Variants in CNTNAP2 observed in about 807,000 individuals in gnomAD.
CNTNAP2 encodes the protein contactin-associated protein-like 2.
A neutral mutation model predicts 155.2 loss-of-function variants in CNTNAP2; 98 were observed. The ratio of observed to expected loss-of-function variants is 0.63; its 90% CI spans 0.54 to 0.75. The LOEUF (loss-of-function observed/expected upper bound fraction) is 0.75. CNTNAP2 is among the 30% of genes least tolerant of loss of function. CNTNAP2 has a pLI of 0.00. For synonymous variants in CNTNAP2, 651 were observed against 631.2 expected (o/e 1.03, Z -0.47); for missense variants, 1,727 against 1,688.1 (o/e 1.02, Z -0.40).
chr7:146,491,306 T>G (rs1017793438), intron 1 of CNTNAP2, among the ~76,000 whole-genome samples: 6 of 152,088 alleles, frequency 3.9e-5, no homozygotes, highest in African/African-American at 7.2e-5. Context: ...TGGGTTCTGC[T>G]CACTTCTCTG....
At position 146,422,356 on chromosome 7, in the gene CNTNAP2, T is replaced by C. The variant is rs150689792; in HGVS notation, c.97+305383T>C. 7.4e-4 allele frequency among the ~76,000 whole-genome samples: 111 copies of C among 149,568 alleles called. No individual in the cohort carries two copies. The East Asian group carries it at 0.02, about 27-fold the overall frequency. ...ATATACATATATGTATGTGTATATATATGTATATATATATATGTTAGCCAT... is the reference window on the plus strand; with the variant it reads ...ATATACATATATGTATGTGTATATACATGTATATATATATATGTTAGCCAT... On this transcript the variant is annotated intron_variant, in intron 1 of 23. Coordinates refer to ENST00000361727, the MANE Select transcript of CNTNAP2 (RefSeq NM_014141.6).
chr7:146,135,427 A>G (rs1563135659), intron 1 of CNTNAP2, among the ~76,000 whole-genome samples: 1 of 152,100 alleles, frequency 6.6e-6, no homozygotes. Flanking sequence ...GATTATCTCT[A>G]AAATCCATTC....
At chr7:147,196,691 T>A (rs1389106770) in intron 8 of CNTNAP2, among the ~76,000 whole-genome samples, 2 of 152,168 alleles carry the variant, frequency 1.3e-5, no homozygotes, top group African/African-American at 4.8e-5. Flanking sequence ...GAACCAGCCA[T>A]CCCTACAGCT....
intron 1 of CNTNAP2, among the ~76,000 whole-genome samples, chr7:146,223,444 T>A (rs749843034): frequency 6.6e-6 from 1 of 152,190 alleles, no homozygotes. Context: ...TCTAGAACAC[T>A]GAGACCTGGT....
At chr7:147,717,263 T>A (rs1342228897) in intron 13 of CNTNAP2, among the ~76,000 whole-genome samples, 1 of 152,148 alleles carries the variant, frequency 6.6e-6, no homozygotes, top group Non-Finnish European at 1.5e-5. Context: ...CACTCTGATT[T>A]GCTGCCCATC....
At chr7:147,326,163 A>G (rs988040336) in intron 9 of CNTNAP2, among the ~76,000 whole-genome samples, 1 of 152,144 alleles carries the variant, frequency 6.6e-6, no homozygotes, top group African/African-American at 2.4e-5. Context: ...TGACCTGGTG[A>G]TCCGCCCGCC....
chr7:146,288,539 T>A (rs1475242426), intron 1 of CNTNAP2, among the ~76,000 whole-genome samples: 1 of 151,950 alleles, frequency 6.6e-6, no homozygotes, highest in Non-Finnish European at 1.5e-5. Context: ...GAAAAAAAAG[T>A]GTTTTATTTT....
chr7:146,117,075 C>T (rs1357312992), intron 1 of CNTNAP2, 102 bp downstream of exon 1: 4 of 987,630 alleles, frequency 4.1e-6, no homozygotes, highest in South Asian at 2.8e-5. Context: ...TGCTGGCACC[C>T]TGATGTGTTT....
rs571233544 is a variant in CNTNAP2, at chr7:147,632,417, G to A, written c.1898-6689G>A. On this transcript the variant is annotated intron_variant, in intron 12 of 23. Transcript: ENST00000361727. ...TGGGGGTGGTTTCCCTAATCCTGTTGTGATAGTAAGTTAGTTCTCACGAGA... is the reference window on the plus strand; with the variant it reads ...TGGGGGTGGTTTCCCTAATCCTGTTATGATAGTAAGTTAGTTCTCACGAGA... Among the ~76,000 whole-genome samples the A allele has an allele frequency of 6.2e-4, 94 of 152,230 alleles. No individual in the cohort carries two copies. In the Middle Eastern group the frequency reaches 0.014, roughly 22 times the overall value.
At chr7:146,898,153 A>G (rs1795916022) in intron 3 of CNTNAP2, among the ~76,000 whole-genome samples, 1 of 152,136 alleles carries the variant, frequency 6.6e-6, no homozygotes, top group African/African-American at 2.4e-5. Context: ...CAAACAGTAT[A>G]TAACTTATTG....
chr7:147,891,207 A>ATT (rs141774201), intron 13 of CNTNAP2, among the ~76,000 whole-genome samples: 13 of 146,378 alleles, frequency 8.9e-5, no homozygotes, highest in African/African-American at 3.3e-4. Flanking sequence ...CAACAAATAG[A>ATT]TTTTTTTTTT....
rs927002523 is a variant in CNTNAP2, at chr7:148,225,968, C to T, written c.3248-3678C>T. Among the ~76,000 whole-genome samples the T allele has an allele frequency of 2.0e-5, 3 of 152,018 alleles. No individual in the cohort carries two copies. In the East Asian group the frequency reaches 5.8e-4, roughly 29 times the overall value. On this transcript the variant is annotated intron_variant, in intron 19 of 23. Coordinates refer to ENST00000361727, the MANE Select transcript of CNTNAP2 (RefSeq NM_014141.6). ...GTTGCATATGTTATGTTTGGGGTTG[C>T]CAGTAAGATATCTGAGGGAAAATAT...
At chr7:147,068,126 A>G (rs1205358147) in intron 4 of CNTNAP2, among the ~76,000 whole-genome samples, 2 of 152,076 alleles carry the variant, frequency 1.3e-5, no homozygotes, top group African/African-American at 4.8e-5. Flanking sequence ...ACAAATCTCA[A>G]ATCTCTGTAT....
At chr7:148,002,658 G>C (rs1427159467) in intron 15 of CNTNAP2, among the ~76,000 whole-genome samples, 4 of 152,082 alleles carry the variant, frequency 2.6e-5, no homozygotes, top group Non-Finnish European at 5.9e-5. Context: ...AATAATGTAA[G>C]AAAATACATT....
intron 13 of CNTNAP2, among the ~76,000 whole-genome samples, chr7:147,677,608 A>G (rs1795889537): frequency 6.6e-6 from 1 of 151,616 alleles, no homozygotes; most frequent in Admixed American, 6.6e-5. Context: ...AATGTCATGT[A>G]GCTTTTTTTT....
chr7:147,896,635 T>G (rs1264472738), intron 13 of CNTNAP2, among the ~76,000 whole-genome samples: 3 of 152,022 alleles, frequency 2.0e-5, no homozygotes, highest in African/African-American at 7.2e-5. Context: ...ATGAGCCAGT[T>G]TATTGATCTG....
intron 3 of CNTNAP2, among the ~76,000 whole-genome samples, chr7:146,981,324 G>A (rs1223296566): frequency 6.6e-6 from 1 of 152,148 alleles, no homozygotes; most frequent in Non-Finnish European, 1.5e-5. Flanking sequence ...TAAATTTTGG[G>A]ATAGAAAAAT....
intron 18 of CNTNAP2, among the ~76,000 whole-genome samples, chr7:148,210,666 A>G (rs150401765): frequency 6.6e-6 from 1 of 152,368 alleles, no homozygotes; most frequent in Non-Finnish European, 1.5e-5. Context: ...CTTATTACAT[A>G]GAAACTGACC....
intron 4 of CNTNAP2, among the ~76,000 whole-genome samples, chr7:147,088,970 A>AAGAGAAAG (rs934111161): frequency 6.6e-6 from 1 of 151,696 alleles, no homozygotes; most frequent in African/African-American, 2.4e-5. Flanking sequence ...AGAAGAAAGA[A>AAGAGAAAG]AGAGAAAGAG....
Sources: allele counts gnomAD v4.1 joint callset (sites outside exome capture counted in the v4.1 genomes callset), GRCh38; gene constraint gnomAD v4.1.1; transcripts MANE v1.5; gene names NCBI Gene and HGNC (gene_info 2026-07-23, HGNC 2026-07-21).